The following LPP variants were observed in gnomAD, a reference collection of about 807,000 sequenced individuals.
The protein encoded by LPP is LIM domain containing preferred translocation partner in lipoma.
In LPP, 38 loss-of-function variants were observed where a neutral mutation model predicts 60.4. The ratio of observed to expected loss-of-function variants is 0.63; its 90% CI spans 0.49 to 0.83. LPP has a LOEUF of 0.83. LPP is among the 40% of genes least tolerant of loss of function. The pLI is 0.00. For missense variants in LPP, 902 were observed against 783.6 expected, an observed-to-expected ratio of 1.15 and a Z score of -1.80; for synonymous variants, 328 against 290.8, an observed-to-expected ratio of 1.13 and a Z score of -1.30.
At chr3:188,745,342 A>G (rs1235445319) in intron 8 of LPP, among the ~76,000 whole-genome samples, 2 of 152,152 alleles carry the variant, frequency 1.3e-5, no homozygotes, top group Non-Finnish European at 2.9e-5. Context: ...ACAAGTATTA[A>G]AGATTGATAG....
intron 7 of LPP, among the ~76,000 whole-genome samples, chr3:188,651,927 A>G (rs975213058): frequency 3.3e-5 from 5 of 152,136 alleles, no homozygotes; most frequent in Non-Finnish European, 7.4e-5. Context: ...GGTTGGTTGT[A>G]ATCATTATCT....
At chr3:188,636,452 A>G (rs1190953629) in intron 7 of LPP, among the ~76,000 whole-genome samples, 2 of 152,156 alleles carry the variant, frequency 1.3e-5, no homozygotes, top group African/African-American at 4.8e-5. Context: ...CTGAGATCAA[A>G]CTGCAAGGCT....
intron 6 of LPP, among the ~76,000 whole-genome samples, chr3:188,546,032 C>A (rs1250561632): frequency 6.6e-6 from 1 of 152,046 alleles, no homozygotes; most frequent in Non-Finnish European, 1.5e-5. Flanking sequence ...GTATTTGTTT[C>A]CATTTGTGGA....
At chr3:188,783,750 T>G (rs1000118552) in intron 9 of LPP, among the ~76,000 whole-genome samples, 1 of 152,164 alleles carries the variant, frequency 6.6e-6, no homozygotes. Context: ...GCCTCCATTT[T>G]TCTATCAAGT....
chr3:188,704,191 G>T (rs17670991), intron 7 of LPP, among the ~76,000 whole-genome samples: 18,955 of 152,086 alleles, frequency 0.12, 1,561 homozygotes, highest in East Asian at 0.24. Context: ...TGCAAGCCTG[G>T]AGAAAAGGTG....
At chr3:188,497,266 A>T (rs2149821679) in intron 5 of LPP, among the ~76,000 whole-genome samples, 1 of 152,288 alleles carries the variant, frequency 6.6e-6, no homozygotes, top group Admixed American at 6.5e-5. Flanking sequence ...CAAGCCTCAG[A>T]GTCGAATCTC....
chr3:188,696,010 G>C (rs1863157881), intron 7 of LPP, among the ~76,000 whole-genome samples: 1 of 152,022 alleles, frequency 6.6e-6, no homozygotes, highest in Non-Finnish European at 1.5e-5. Flanking sequence ...CCACTAACTT[G>C]GTTTCTACAG....
chr3:188,817,408 T>C (rs1752757127), intron 9 of LPP, among the ~76,000 whole-genome samples: 1 of 152,206 alleles, frequency 6.6e-6, no homozygotes, highest in East Asian at 1.9e-4. Flanking sequence ...TCTGAATCGA[T>C]GGAAGATCCA....
chr3:188,767,779 G>A (rs772359926), intron 9 of LPP, among the ~76,000 whole-genome samples: 4 of 152,082 alleles, frequency 2.6e-5, no homozygotes, highest in East Asian at 1.9e-4. Context: ...GGATGGAGCC[G>A]ACATAGTATG....
At chr3:188,485,525 C>T (rs1003731560) in intron 5 of LPP, among the ~76,000 whole-genome samples, 15 of 152,176 alleles carry the variant, frequency 9.9e-5, no homozygotes, top group South Asian at 6.2e-4. Flanking sequence ...GGGCCGGGCG[C>T]GGTGGCTCAC....
chr3:188,663,715 C>A (rs1855115705), intron 7 of LPP, among the ~76,000 whole-genome samples: 1 of 152,154 alleles, frequency 6.6e-6, no homozygotes, highest in South Asian at 2.1e-4. Context: ...TTTTTGGCAC[C>A]AATGACCACT....
intron 1 of LPP, among the ~76,000 whole-genome samples, chr3:188,170,765 T>G (rs1721370057): frequency 6.6e-6 from 1 of 152,316 alleles, no homozygotes; most frequent in East Asian, 1.9e-4. Context: ...GTGTCTTCAT[T>G]TTTCATTCTT....
chr3:188,772,683 C>A (rs1162394504), intron 9 of LPP, among the ~76,000 whole-genome samples: 1 of 151,932 alleles, frequency 6.6e-6, no homozygotes, highest in Non-Finnish European at 1.5e-5. Context: ...TTAGTAGAGA[C>A]GGGGTTTCAC....
At chr3:188,364,167 C>G (rs777515459) in intron 3 of LPP, among the ~76,000 whole-genome samples, 14 of 152,252 alleles carry the variant, frequency 9.2e-5, no homozygotes, top group Middle Eastern at 3.4e-3. Flanking sequence ...TGTTTAAGGC[C>G]CTGCCCGACT....
In LPP at chr3:188,889,432, G is replaced by A; in HGVS notation, c.*14953G>A. ...CTCAATGTGTCGTCTGACTCAACCAGCTGGCAGATTACACTTGCCAAGTCG... is the reference window on the plus strand; with the variant it reads ...CTCAATGTGTCGTCTGACTCAACCAACTGGCAGATTACACTTGCCAAGTCG... On this transcript the variant is annotated 3_prime_UTR_variant, in exon 12 of 12. Transcript: ENST00000617246. 1 of 231,666 alleles carries A rather than the reference G, an allele frequency of 4.3e-6. No individual in the cohort carries two copies. The highest frequency in any genetic ancestry group is 6.1e-5 in the East Asian group (1 of 16,444). 14.4% of individuals were successfully genotyped at this position (231,666 alleles called of 1,614,324 possible).
chr3:188,263,604 C>G (rs1219988803), intron 2 of LPP, among the ~76,000 whole-genome samples: 1 of 152,204 alleles, frequency 6.6e-6, no homozygotes, highest in Non-Finnish European at 1.5e-5. Flanking sequence ...CTCCCTGCTC[C>G]TCACTTTCCT....
At chr3:188,654,640 C>G (rs1219453081) in intron 7 of LPP, among the ~76,000 whole-genome samples, 1 of 152,132 alleles carries the variant, frequency 6.6e-6, no homozygotes, top group East Asian at 1.9e-4. Flanking sequence ...CAAGAAACTG[C>G]ATGCTTAAGC....
chr3:188,390,636 G>A (rs753772440), intron 3 of LPP, among the ~76,000 whole-genome samples: 20 of 150,890 alleles, frequency 1.3e-4, no homozygotes, highest in Middle Eastern at 3.4e-3. Flanking sequence ...TTTTCTTTCC[G>A]TCTACAAAAA....
chr3:188,342,390 C>T (rs918998299), intron 3 of LPP, among the ~76,000 whole-genome samples: 4 of 151,978 alleles, frequency 2.6e-5, no homozygotes, highest in Non-Finnish European at 5.9e-5. Flanking sequence ...AAAATGGAGG[C>T]CAATGGAGAA....
Sources: allele counts gnomAD v4.1 joint callset (sites outside exome capture counted in the v4.1 genomes callset), GRCh38; gene constraint gnomAD v4.1.1; transcripts MANE v1.5; gene names NCBI Gene and HGNC (gene_info 2026-07-23, HGNC 2026-07-21).